MDGA2: variants seen among roughly 807,000 people sequenced by gnomAD.
MDGA2 encodes MAM domain-containing glycosylphosphatidylinositol anchor protein 2.
A neutral mutation model predicts 117.8 loss-of-function variants in MDGA2; 40 were observed. The ratio of observed to expected loss-of-function variants is 0.34; its 90% CI spans 0.26 to 0.44. The LOEUF (loss-of-function observed/expected upper bound fraction) is 0.44. MDGA2 is among the 20% of genes least tolerant of loss of function. The pLI is 1.00. For synonymous variants in MDGA2, 452 were observed against 439.0 expected, an observed-to-expected ratio of 1.03 and a Z score of -0.37; for missense variants, 1,123 against 1,250.6, an observed-to-expected ratio of 0.90 and a Z score of 1.54.
chr14:47,674,150 G>C (rs1485793654), intron 1 of MDGA2, among the ~76,000 whole-genome samples: 2 of 151,808 alleles, frequency 1.3e-5, no homozygotes, highest in Non-Finnish European at 2.9e-5. Flanking sequence ...AAGCTTCCCT[G>C]GGGGGTGGGG....
At position 47,338,070 on chromosome 14, in the gene MDGA2, C is replaced by CTAAAAA. The variant is rs766217165; in HGVS notation, c.281-36526_281-36521dup. Among the ~76,000 whole-genome samples, 144 of 152,042 alleles carry CTAAAAA rather than the reference C, an allele frequency of 9.5e-4. 1 individual carries two copies. The highest frequency in any genetic ancestry group is 3.2e-4 in the Non-Finnish European group (22 of 67,960). On this transcript the variant is annotated intron_variant, in intron 1 of 16. Transcript: ENST00000399232. ...CAGAACGATTTTGTTCTGAAAGTATCTAAAAATAATCTGTATGTTTACTTT... is the reference window on the plus strand; with the variant it reads ...CAGAACGATTTTGTTCTGAAAGTATCTAAAAATAAAAATAATCTGTATGTTTACTTT...
intron 3 of MDGA2, among the ~76,000 whole-genome samples, chr14:47,156,332 G>A (rs1002916310): frequency 5.3e-5 from 8 of 152,122 alleles, no homozygotes; most frequent in South Asian, 2.1e-4. Context: ...CAAGGCATAC[G>A]CTTTCTTAAC....
At chr14:47,649,512 C>T (rs1566558556) in intron 1 of MDGA2, among the ~76,000 whole-genome samples, 1 of 152,090 alleles carries the variant, frequency 6.6e-6, no homozygotes, top group Non-Finnish European at 1.5e-5. Flanking sequence ...CAGTGAAACC[C>T]CGTCTCTACC....
intron 3 of MDGA2, among the ~76,000 whole-genome samples, chr14:47,185,046 TTGA>T (rs1212179495): frequency 6.6e-6 from 1 of 151,222 alleles, no homozygotes; most frequent in Non-Finnish European, 1.5e-5. Flanking sequence ...TATGTTTAAC[TTGA>T]TAATAAAAGA....
At chr14:47,546,353 G>A (rs1440017420) in intron 1 of MDGA2, among the ~76,000 whole-genome samples, 1 of 152,044 alleles carries the variant, frequency 6.6e-6, no homozygotes, top group African/African-American at 2.4e-5. Flanking sequence ...GGGGTCAGGT[G>A]GTTGCTCTGG....
chr14:47,274,392 T>C (rs1487631646), intron 2 of MDGA2, among the ~76,000 whole-genome samples: 1 of 152,150 alleles, frequency 6.6e-6, no homozygotes, highest in African/African-American at 2.4e-5. Flanking sequence ...TTCTTCCTTT[T>C]TGCGCATGTA....
intron 3 of MDGA2, among the ~76,000 whole-genome samples, chr14:47,171,467 A>G (rs1486045575): frequency 6.6e-6 from 1 of 152,194 alleles, no homozygotes; most frequent in Admixed American, 6.5e-5. Flanking sequence ...GAGGCAATTT[A>G]TATGAAAAAT....
At chr14:47,112,721 T>A (rs1017422736) in intron 5 of MDGA2, among the ~76,000 whole-genome samples, 7 of 152,184 alleles carry the variant, frequency 4.6e-5, no homozygotes, top group African/African-American at 1.7e-4. Context: ...TATATCTTTA[T>A]AATAGAATGA....
intron 2 of MDGA2, among the ~76,000 whole-genome samples, chr14:47,256,955 G>C (rs749540404): frequency 4.0e-5 from 6 of 150,114 alleles, no homozygotes; most frequent in Non-Finnish European, 5.9e-5. Context: ...GGAAGAAAGG[G>C]AAAGAAAAAA....
intron 5 of MDGA2, among the ~76,000 whole-genome samples, chr14:47,124,397 G>C (rs763093059): frequency 6.6e-5 from 10 of 151,988 alleles, no homozygotes; most frequent in Non-Finnish European, 1.3e-4. Flanking sequence ...CCAAAGCTAA[G>C]AATACAAGGC....
At chr14:47,472,833 C>T (rs536573638) in intron 1 of MDGA2, among the ~76,000 whole-genome samples, 11 of 152,232 alleles carry the variant, frequency 7.2e-5, no homozygotes, top group Admixed American at 1.3e-4. Context: ...ATGATGCCTA[C>T]TTCATGGAAT....
chr14:46,990,529 G>C (rs1283180265), intron 8 of MDGA2, among the ~76,000 whole-genome samples: 1 of 151,892 alleles, frequency 6.6e-6, no homozygotes, highest in African/African-American at 2.4e-5. Context: ...AAAGAAACAT[G>C]TTAACATTTG....
rs1284396324 is a variant in MDGA2 at position 47,604,616 on chromosome 14, C to G, written c.280+69901G>C. On this transcript the variant is annotated intron_variant, in intron 1 of 16. Coordinates refer to ENST00000399232, the MANE Select transcript of MDGA2 (RefSeq NM_001113498.3). The stretch of plus-strand genomic sequence containing the variant: ...AAAGTGCTAGGATTACAGGTGTGAG[C>G]CACCACACCCAACCTAGTCTTCAAT... Among the ~76,000 whole-genome samples the G allele has an allele frequency of 5.3e-5, 8 of 151,724 alleles. No individual in the cohort carries two copies. The East Asian group carries it at 1.6e-3, about 30-fold the overall frequency.
intron 1 of MDGA2, among the ~76,000 whole-genome samples, chr14:47,657,020 A>G (rs1055855773): frequency 1.3e-5 from 2 of 152,142 alleles, no homozygotes; most frequent in African/African-American, 4.8e-5. Flanking sequence ...AAGAAAGCCC[A>G]AAGTTTTCAA....
At chr14:47,170,618 G>C (rs1223275217) in intron 3 of MDGA2, among the ~76,000 whole-genome samples, 1 of 152,086 alleles carries the variant, frequency 6.6e-6, no homozygotes, top group Non-Finnish European at 1.5e-5. Flanking sequence ...TGAACATTTT[G>C]TTTAGGGGGA....
At chr14:47,467,303 C>T (rs1357188102) in intron 1 of MDGA2, among the ~76,000 whole-genome samples, 1 of 152,072 alleles carries the variant, frequency 6.6e-6, no homozygotes, top group African/African-American at 2.4e-5. Context: ...GCTGAGATTG[C>T]TATGCTAGAA....
At chr14:47,010,683 T>C (rs536601418) in intron 8 of MDGA2, among the ~76,000 whole-genome samples, 3 of 152,136 alleles carry the variant, frequency 2.0e-5, no homozygotes, top group African/African-American at 7.2e-5. Context: ...AAAATGTCAT[T>C]AATTTTTTGC....
chr14:47,600,441 A>T (rs937109113), intron 1 of MDGA2, among the ~76,000 whole-genome samples: 8 of 152,186 alleles, frequency 5.3e-5, no homozygotes, highest in Admixed American at 2.0e-4. Context: ...CTCAAAAAAA[A>T]TTTTAAAAAT....
chr14:47,089,249 A>G (rs1308573492), intron 6 of MDGA2, among the ~76,000 whole-genome samples: 1 of 152,196 alleles, frequency 6.6e-6, no homozygotes. Context: ...TAAAATTTGA[A>G]TCGCTCCTTG....
Sources: allele counts gnomAD v4.1 joint callset (sites outside exome capture counted in the v4.1 genomes callset), GRCh38; gene constraint gnomAD v4.1.1; transcripts MANE v1.5; gene names NCBI Gene and HGNC (gene_info 2026-07-23, HGNC 2026-07-21).